SLC9A1: variants seen among roughly 807,000 people sequenced by gnomAD.
SLC9A1 encodes the protein sodium/hydrogen exchanger 1.
SLC9A1 carries 22 observed loss-of-function variants against 67.9 expected under a neutral mutation model. The observed-to-expected ratio is 0.32, with a 90% confidence interval of 0.23 to 0.46. The LOEUF (loss-of-function observed/expected upper bound fraction) is 0.46. Among genes scored for constraint, SLC9A1 ranks in the 20% least tolerant of loss-of-function variants. SLC9A1 has a pLI of 1.00. For synonymous variants in SLC9A1, 421 were observed against 471.8 expected, an observed-to-expected ratio of 0.89 and a Z score of 1.40; for missense variants, 686 against 1,094.8, an observed-to-expected ratio of 0.63 and a Z score of 5.27.
intron 1 of SLC9A1, among the ~76,000 whole-genome samples, chr1:27,144,932 C>A (rs1189242970): frequency 6.6e-6 from 1 of 151,994 alleles, no homozygotes; most frequent in Admixed American, 6.6e-5. Context: ...ATTGCTTGAA[C>A]CTGCAGCTAC....
chr1:27,138,389 C>T (rs2083433065), intron 1 of SLC9A1, among the ~76,000 whole-genome samples: 1 of 151,280 alleles, frequency 6.6e-6, no homozygotes, highest in South Asian at 2.1e-4. Context: ...TTCTTCAGGA[C>T]ACTTACCACT....
chr1:27,099,983 G>C lies in SLC9A1; in HGVS notation c.*324C>G, dbSNP rs1467904652. On this transcript the variant is annotated 3_prime_UTR_variant, in exon 12 of 12. Transcript: ENST00000263980. The stretch of plus-strand genomic sequence containing the variant: ...AGAAACTAAGATTGGTCTGAATGAG[G>C]AGGAGGATGAGGCAGAGGGAGGAGC... The C allele has an allele frequency of 3.0e-6, 1 of 332,808 alleles. No homozygotes were observed. Among genetic ancestry groups the C allele is most frequent in the Non-Finnish European group, 5.5e-6 (1 of 182,764 alleles). 20.6% of individuals were successfully genotyped at this position (332,808 alleles called of 1,614,324 possible).
At chr1:27,133,751 C>A (rs962359456) in intron 1 of SLC9A1, among the ~76,000 whole-genome samples, 2 of 151,746 alleles carry the variant, frequency 1.3e-5, no homozygotes, top group Non-Finnish European at 2.9e-5. Flanking sequence ...GAGAGAAGAA[C>A]TGGAGCCCTG....
At chr1:27,149,895 C>G (rs2083515330) in intron 1 of SLC9A1, among the ~76,000 whole-genome samples, 2 of 152,208 alleles carry the variant, frequency 1.3e-5, no homozygotes, top group Admixed American at 1.3e-4. Context: ...TGAATGAAGT[C>G]TGGGCAATCT....
chr1:27,130,327 C>T (rs1049791088), intron 1 of SLC9A1, among the ~76,000 whole-genome samples: 2 of 152,208 alleles, frequency 1.3e-5, no homozygotes, highest in African/African-American at 4.8e-5. Flanking sequence ...TGGTCTCGAA[C>T]GCTTGACCTC....
intron 1 of SLC9A1, among the ~76,000 whole-genome samples, chr1:27,121,678 T>C (rs1482229954): frequency 6.6e-6 from 1 of 152,176 alleles, no homozygotes; most frequent in Admixed American, 6.5e-5. Flanking sequence ...TCCCTCACAA[T>C]GCATAGCCTC....
At chr1:27,119,014 C>T (rs1343668330) in intron 1 of SLC9A1, among the ~76,000 whole-genome samples, 1 of 150,618 alleles carries the variant, frequency 6.6e-6, no homozygotes, top group African/African-American at 2.4e-5. Context: ...GTTTTTCATT[C>T]TATCTAGTGT....
Position 27,137,419 on chromosome 1 carries a change from A to G in SLC9A1, c.352+16564T>C, listed in dbSNP as rs2083426891. On this transcript the variant is annotated intron_variant, in intron 1 of 11. Transcript: ENST00000263980. The surrounding 1 kb of genome is among the most constrained non-coding windows in gnomAD (Gnocchi z 4.6). ...TGAGGGGGATGGGCCGGGCTCTGTCATCATGTCAGACATTTAGAAGCCCTT... is the reference window on the plus strand; with the variant it reads ...TGAGGGGGATGGGCCGGGCTCTGTCGTCATGTCAGACATTTAGAAGCCCTT... Among the ~76,000 whole-genome samples, 1 of 152,178 alleles carries G rather than the reference A, an allele frequency of 6.6e-6. No individual in the cohort carries two copies. The highest frequency in any genetic ancestry group is 2.4e-5 in the African/African-American group (1 of 41,434).
chr1:27,109,608 A>C lies in SLC9A1; in HGVS notation c.983T>G (p.Val328Gly). The change falls in exon 3 of 12, where the codon GTC (valine) becomes GGC (glycine). Residue 328 changes from valine to glycine, a missense_variant. By Grantham distance (109) the Val-to-Gly change is moderately radical. Coordinates refer to ENST00000263980, the MANE Select transcript of SLC9A1 (RefSeq NM_003047.5). The surrounding 1 kb of genome is among the most constrained non-coding windows in gnomAD (Gnocchi z 5.5). ...FTSRFTSHIR[V>G]IEPLFVFLYS... ...GAGGAAGACGAAGAGCGGCTCGATG[A>C]CCCGGATGTGGGAGGTAAATCGGGA... 6.2e-7 allele frequency: 1 copy of C among 1,613,786 alleles called. No homozygotes were observed. The highest frequency in any genetic ancestry group is 8.5e-7 in the Non-Finnish European group (1 of 1,179,984).
intron 1 of SLC9A1, among the ~76,000 whole-genome samples, chr1:27,143,839 T>G (rs923580634): frequency 6.6e-6 from 1 of 152,176 alleles, no homozygotes; most frequent in Non-Finnish European, 1.5e-5. Context: ...AAATTTGCCT[T>G]GCATGCACAC....
rs1426918702 is a variant in SLC9A1 at position 27,154,189 on chromosome 1, G to A, written c.146C>T (p.Ser49Leu). ...AATCGAGCGTTCTCGTGGTGGCTCTGAGCTTCGAATGGTGCTGGCAGTTGG... is the reference window on the plus strand; with the variant it reads ...AATCGAGCGTTCTCGTGGTGGCTCTAAGCTTCGAATGGTGCTGGCAGTTGG... Reference protein sequence around the residue: ...LSPTASTIRSSEPPRERSIGD... With the variant: ...LSPTASTIRSLEPPRERSIGD... The change falls in exon 1 of 12, where the codon TCA becomes TTA. Residue 49 changes from serine to leucine, a missense_variant. Physicochemically the swap from Ser to Leu is moderately radical, Grantham distance 145. Around this residue, in one of 7 missense-constraint regions of SLC9A1, gnomAD observed 143 missense variants for 166.7 expected, o/e 0.86. Transcript: ENST00000263980. 1 of 1,614,046 alleles carries A rather than the reference G, an allele frequency of 6.2e-7. No homozygotes were observed. The highest frequency in any genetic ancestry group is 1.3e-5 in the African/African-American group (1 of 74,934).
At chr1:27,144,568 C>G (rs543821170) in intron 1 of SLC9A1, among the ~76,000 whole-genome samples, 15 of 152,222 alleles carry the variant, frequency 9.9e-5, no homozygotes. Flanking sequence ...CTTTGCTCTC[C>G]CTCCTCTCTG....
chr1:27,139,853 G>A (rs557071420), intron 1 of SLC9A1, among the ~76,000 whole-genome samples: 41 of 151,246 alleles, frequency 2.7e-4, no homozygotes, highest in Non-Finnish European at 5.9e-5. Context: ...AGTGCAGTGA[G>A]GCGATCTCGG....
intron 1 of SLC9A1, among the ~76,000 whole-genome samples, chr1:27,146,907 G>A (rs1241790737): frequency 2.0e-5 from 3 of 152,172 alleles, no homozygotes; most frequent in Non-Finnish European, 2.9e-5. Flanking sequence ...GGGCCGGGAC[G>A]GGCAGATCGC....
rs1161374979 is a variant in SLC9A1, at chr1:27,107,833, TA to T, written c.1096del (p.Tyr366MetfsTer18). ...CTTGTGGGAGATGTTGGCCTCCACA[TA>T]GGGGCGCATCACCACTCCTGAGGCT... The part of the protein sequence containing the change: ...LIASGVVMRP[Y>X]VEANISHKSH... On this transcript the variant is annotated frameshift_variant, in exon 4 of 12. Coordinates refer to ENST00000263980, the MANE Select transcript of SLC9A1 (RefSeq NM_003047.5). LOFTEE classifies it high-confidence loss of function. 1 of 1,607,432 alleles carries T rather than the reference TA, an allele frequency of 6.2e-7. No homozygotes were observed.
chr1:27,131,310 T>A (rs993842434), intron 1 of SLC9A1, among the ~76,000 whole-genome samples: 1 of 151,808 alleles, frequency 6.6e-6, no homozygotes, highest in African/African-American at 2.4e-5. Flanking sequence ...ATAATGATAG[T>A]GGCTGGGTGT....
rs547713563 is a variant in SLC9A1 at position 27,100,792 on chromosome 1, C to T, written c.2111-148G>A. 1 of 662,412 alleles carries T rather than the reference C, an allele frequency of 1.5e-6. No homozygotes were observed. Among genetic ancestry groups the T allele is most frequent in the Admixed American group, 2.8e-5 (1 of 36,262 alleles). The allele number at this position is 662,412 out of a possible 1,614,324, so 41.0% of individuals were successfully genotyped here. A position where few individuals can be genotyped will look rare whatever the true frequency, so the allele number is the denominator to read the frequency against. On this transcript the variant is annotated intron_variant, in intron 11 of 11. Transcript: ENST00000263980. The surrounding 1 kb of genome is among the most constrained non-coding windows in gnomAD (Gnocchi z 5.6). ...AGGCCTCAGAAGCAGGCCTCTGCGA[C>T]CTTCCACCCCACAGCTTCTCTTCCT...
intron 6 of SLC9A1, 96 bp from the exon 7 acceptor site, chr1:27,102,839 T>C: frequency 9.0e-7 from 1 of 1,107,192 alleles, no homozygotes; most frequent in Non-Finnish European, 1.3e-6. Context: ...GCTGCAGCCC[T>C]GCTGGGTCCA....
intron 5 of SLC9A1, chr1:27,103,521 C>T: frequency 6.9e-6 from 4 of 580,234 alleles, no homozygotes; most frequent in South Asian, 5.9e-5. Flanking sequence ...GAGACACGGT[C>T]AGAGGTTTCA....
Sources: gnomAD v4.1 joint callset for allele counts (sites outside exome capture counted in the v4.1 genomes callset) on GRCh38, gnomAD v4.1.1 for gene constraint, gnomAD v4.1.1 regional missense constraint, Gnocchi (gnomAD v3.1) non-coding constraint, MANE v1.5 for transcripts, NCBI Gene and HGNC (gene_info 2026-07-23, HGNC 2026-07-21) for gene names.